The following FAM193A variants were observed in gnomAD, a reference collection of about 807,000 sequenced individuals.
The protein encoded by FAM193A is family with sequence similarity 193 member A.
In FAM193A, 22 loss-of-function variants were observed where a neutral mutation model predicts 126.5. The ratio of observed to expected loss-of-function variants is 0.17; its 90% CI spans 0.12 to 0.25. FAM193A has a LOEUF of 0.25. Ranked by LOEUF, FAM193A falls within the 10% of genes least tolerant of loss-of-function variation. The pLI is 1.00. For synonymous variants in FAM193A, 761 were observed against 646.8 expected (o/e 1.18, Z -2.68); for missense variants, 1,675 against 1,672.8 (o/e 1.00, Z -0.02).
At chr4:2,668,263 G>A (rs1038973653) in intron 12 of FAM193A, among the ~76,000 whole-genome samples, 2 of 150,460 alleles carry the variant, frequency 1.3e-5, no homozygotes, top group Non-Finnish European at 2.9e-5. Context: ...ACCCAGGCTG[G>A]AGTGCAGTGG....
At chr4:2,681,852 C>G (rs561820883) in intron 13 of FAM193A, among the ~76,000 whole-genome samples, 1 of 151,976 alleles carries the variant, frequency 6.6e-6, no homozygotes, top group African/African-American at 2.4e-5. Flanking sequence ...CACTGCGTCC[C>G]GTAAGTTTCA....
At position 2,696,464 on chromosome 4, in the gene FAM193A, G is replaced by A. The variant is rs746570182; in HGVS notation, c.3378G>A (p.Gln1126=). The change falls in exon 18 of 21, where the codon CAG becomes CAA. Residue 1126 remains glutamine (Q), a synonymous_variant. Transcript: ENST00000637812. ...AGGAGCAACCTAAAAAAATGGACCAGATCTCAGAAAGGGAAAGCGTCGTTG... is the reference window on the plus strand; with the variant it reads ...AGGAGCAACCTAAAAAAATGGACCAAATCTCAGAAAGGGAAAGCGTCGTTG... The part of the protein sequence containing the change: ...RKEEQPKKMD[Q]ISERESVVDH... 3.7e-6 allele frequency: 6 copies of A among 1,614,220 alleles called. No individual in the cohort carries two copies. Among genetic ancestry groups the A allele is most frequent in the Non-Finnish European group, 5.1e-6 (6 of 1,180,020 alleles).
chr4:2,667,138 T>G (rs2109137500), intron 12 of FAM193A, among the ~76,000 whole-genome samples: 1 of 152,362 alleles, frequency 6.6e-6, no homozygotes, highest in South Asian at 2.1e-4. Flanking sequence ...TGAACTTTGT[T>G]CTTGTTGTGT....
chr4:2,651,339 A>C (rs1335655884), intron 7 of FAM193A, among the ~76,000 whole-genome samples: 2 of 152,126 alleles, frequency 1.3e-5, no homozygotes, highest in South Asian at 2.1e-4. Context: ...TCAAAAAAAA[A>C]CCAATAAAAC....
At chr4:2,702,438 CTTCAACAGTGGTG>C (rs1287322142) in intron 19 of FAM193A, among the ~76,000 whole-genome samples, 3 of 152,202 alleles carry the variant, frequency 2.0e-5, no homozygotes, top group Non-Finnish European at 4.4e-5. Context: ...CCTCCTCTTT[CTTCAACAGTGGTG>C]TTCAGAAACC....
intron 20 of FAM193A, among the ~76,000 whole-genome samples, chr4:2,728,154 CT>C (rs1487228637): frequency 6.6e-6 from 1 of 151,428 alleles, no homozygotes; most frequent in Non-Finnish European, 1.5e-5. Flanking sequence ...TGGTCTCGAA[CT>C]CCCGACCTCG....
chr4:2,662,416 G>C (rs894793225), intron 10 of FAM193A, among the ~76,000 whole-genome samples: 5 of 152,238 alleles, frequency 3.3e-5, no homozygotes, highest in Admixed American at 2.6e-4. Context: ...AAACAGCTAA[G>C]GTTTAAAAAG....
At chr4:2,622,189 G>A (rs1379226512) in intron 2 of FAM193A, among the ~76,000 whole-genome samples, 2 of 149,436 alleles carry the variant, frequency 1.3e-5, no homozygotes, top group Non-Finnish European at 3.0e-5. Flanking sequence ...CCTGGGAGGC[G>A]GAGGTTGCAG....
chr4:2,557,806 G>A (rs1738348671), intron 1 of FAM193A, among the ~76,000 whole-genome samples: 3 of 152,000 alleles, frequency 2.0e-5, no homozygotes, highest in Non-Finnish European at 4.4e-5. Context: ...CAAAAAATTA[G>A]CCAGGTGTGG....
Position 2,564,434 on chromosome 4 carries a change from T to C in FAM193A, c.255+27264T>C, listed in dbSNP as rs1738809519. Among the ~76,000 whole-genome samples the C allele has an allele frequency of 2.0e-5, 3 of 152,098 alleles. No homozygotes were observed. The South Asian group carries it at 6.2e-4, about 32-fold the overall frequency. On this transcript the variant is annotated intron_variant, in intron 1 of 20. Coordinates refer to ENST00000637812, the MANE Select transcript of FAM193A (RefSeq NM_001366318.2). ...TAGTGGAAAAGGCTCTTGTCTGGGCTTCCATGAATGACTTCCATCACAAAA... is the reference window on the plus strand; with the variant it reads ...TAGTGGAAAAGGCTCTTGTCTGGGCCTCCATGAATGACTTCCATCACAAAA...
intron 15 of FAM193A, among the ~76,000 whole-genome samples, chr4:2,692,262 G>C (rs577896237): frequency 2.0e-5 from 3 of 152,192 alleles, no homozygotes; most frequent in East Asian, 3.8e-4. Context: ...ACACGGCGAA[G>C]GGGGAAGCCC....
intron 2 of FAM193A, among the ~76,000 whole-genome samples, chr4:2,606,357 C>A (rs1741553068): frequency 6.6e-6 from 1 of 152,194 alleles, no homozygotes. Context: ...GCCTAACAAA[C>A]CTCTTTAATA....
intron 19 of FAM193A, among the ~76,000 whole-genome samples, chr4:2,703,866 G>A (rs903501965): frequency 2.0e-5 from 3 of 151,666 alleles, no homozygotes. Flanking sequence ...CAGCTACTTG[G>A]GAGGCTGAGG....
intron 1 of FAM193A, among the ~76,000 whole-genome samples, chr4:2,573,178 C>T (rs892779435): frequency 6.6e-6 from 1 of 152,010 alleles, no homozygotes; most frequent in Non-Finnish European, 1.5e-5. Context: ...GCTCTACTCT[C>T]AGAGGTTTGT....
intron 15 of FAM193A, 79 bp downstream of exon 15, chr4:2,691,049 T>G: frequency 7.4e-7 from 1 of 1,352,042 alleles, no homozygotes; most frequent in Non-Finnish European, 1.0e-6. Flanking sequence ...GTAACTCATC[T>G]TTGTAACTGC....
chr4:2,634,105 C>T lies in FAM193A; in HGVS notation c.1038+2936C>T, dbSNP rs190929946. ...CACATAATGCTGGGACTGTAAGTGA[C>T]GACACTAGTAAGGTTGAAGTGGAAA... On this transcript the variant is annotated intron_variant, in intron 5 of 20. Coordinates refer to ENST00000637812, the MANE Select transcript of FAM193A (RefSeq NM_001366318.2). Among the ~76,000 whole-genome samples, 21 of 152,214 alleles carry T rather than the reference C, an allele frequency of 1.4e-4. No homozygotes were observed. In the East Asian group the frequency reaches 3.9e-3, roughly 28 times the overall value.
intron 1 of FAM193A, among the ~76,000 whole-genome samples, chr4:2,537,440 A>G (rs1736949672): frequency 6.6e-6 from 1 of 152,138 alleles, no homozygotes; most frequent in Non-Finnish European, 1.5e-5. Context: ...GCCGCCGCTC[A>G]CGGCGACGGG....
intron 13 of FAM193A, among the ~76,000 whole-genome samples, chr4:2,679,307 GT>G (rs1370927695): frequency 1.3e-5 from 2 of 150,776 alleles, no homozygotes; most frequent in African/African-American, 4.9e-5. Flanking sequence ...CTGAATTCAG[GT>G]TGCTAGTATT....
At chr4:2,573,447 A>G (rs1364247910) in intron 1 of FAM193A, among the ~76,000 whole-genome samples, 2 of 148,500 alleles carry the variant, frequency 1.3e-5, no homozygotes, top group African/African-American at 5.0e-5. Flanking sequence ...CAGGAGGCGG[A>G]GGTTGCAGTG....
Sources: gnomAD v4.1 joint callset for allele counts (sites outside exome capture counted in the v4.1 genomes callset) on GRCh38, gnomAD v4.1.1 for gene constraint, MANE v1.5 for transcripts, NCBI Gene and HGNC (gene_info 2026-07-23, HGNC 2026-07-21) for gene names.